The following ABCB1 variants were observed in gnomAD, a reference collection of about 807,000 sequenced individuals.
ABCB1 encodes ATP-dependent translocase ABCB1.
Under a neutral mutation model 142.0 loss-of-function variants are expected in ABCB1, and 69 were observed. That is an observed-to-expected ratio of 0.49 (90% CI 0.40 to 0.59). The LOEUF (loss-of-function observed/expected upper bound fraction) is 0.59. ABCB1 is among the 20% of genes least tolerant of loss of function. The pLI, the probability that ABCB1 is intolerant of heterozygous loss-of-function variation, is 0.00. For synonymous variants in ABCB1, 532 were observed against 539.2 expected, an observed-to-expected ratio of 0.99 and a Z score of 0.18; for missense variants, 1,326 against 1,554.7, an observed-to-expected ratio of 0.85 and a Z score of 2.47.
At chr7:87,644,178 A>C (rs992301559) in intron 1 of ABCB1, among the ~76,000 whole-genome samples, 13 of 152,230 alleles carry the variant, frequency 8.5e-5, no homozygotes, top group African/African-American at 3.1e-4. Context: ...GTTGATTCTG[A>C]AAAATTCTCT....
intron 7 of ABCB1, chr7:87,564,101 A>G (rs943430191): frequency 2.0e-5 from 9 of 448,746 alleles, no homozygotes; most frequent in African/African-American, 1.8e-4. Context: ...TAATCTGTAT[A>G]ACAAATGCCC....
At chr7:87,624,472 C>T (rs1366165048) in intron 1 of ABCB1, among the ~76,000 whole-genome samples, 1 of 152,058 alleles carries the variant, frequency 6.6e-6, no homozygotes, top group African/African-American at 2.4e-5. Context: ...GTAATTTTGT[C>T]TGTTTCGATG....
chr7:87,644,272 A>T (rs1425276643), intron 1 of ABCB1, among the ~76,000 whole-genome samples: 2 of 152,248 alleles, frequency 1.3e-5, no homozygotes, highest in Admixed American at 1.3e-4. Context: ...TATCACCTAT[A>T]GTCACTGCTT....
intron 1 of ABCB1, among the ~76,000 whole-genome samples, chr7:87,626,724 G>A (rs558016719): frequency 1.1e-4 from 7 of 64,364 alleles, no homozygotes; most frequent in African/African-American, 1.9e-4. Context: ...TCATATATAT[G>A]TGTCATATAT....
intron 1 of ABCB1, among the ~76,000 whole-genome samples, chr7:87,681,787 G>T (rs1480507178): frequency 6.6e-6 from 1 of 152,096 alleles, no homozygotes; most frequent in East Asian, 1.9e-4. Context: ...AAGGCAGGAG[G>T]ATCACTTGAG....
chr7:87,572,457 TATAGCTTCAGCCATCAAA>T (rs1485266821), intron 4 of ABCB1, among the ~76,000 whole-genome samples: 1 of 152,216 alleles, frequency 6.6e-6, no homozygotes. Flanking sequence ...ACACCATACC[TATAGCTTCAGCCATCAAA>T]ATACATAGAA....
intron 1 of ABCB1, among the ~76,000 whole-genome samples, chr7:87,640,395 G>T (rs1584973198): frequency 6.6e-6 from 1 of 151,984 alleles, no homozygotes; most frequent in African/African-American, 2.4e-5. Context: ...GTGTTGCCCA[G>T]GCTGGAGTGC....
chr7:87,641,217 A>C (rs980458891), intron 1 of ABCB1, among the ~76,000 whole-genome samples: 3 of 152,232 alleles, frequency 2.0e-5, no homozygotes, highest in South Asian at 2.1e-4. Flanking sequence ...CATAGTATAC[A>C]GTAGAAATAG....
In ABCB1 at chr7:87,580,571, C is replaced by T. The variant is rs1187302649; in HGVS notation, c.286+4941G>A. Among the ~76,000 whole-genome samples the T allele has an allele frequency of 2.0e-5, 3 of 152,108 alleles. No homozygotes were observed. The East Asian group carries it at 5.8e-4, about 29-fold the overall frequency. ...TATGCTTGGTGTCCCACAACATTCT[C>T]GTACTTGAATACTGATATCTTTCTT... On this transcript the variant is annotated intron_variant, in intron 4 of 27. Transcript: ENST00000622132.
chr7:87,537,318 C>T (rs1158011526), intron 19 of ABCB1, among the ~76,000 whole-genome samples: 1 of 152,144 alleles, frequency 6.6e-6, no homozygotes, highest in East Asian at 1.9e-4. Context: ...CAGACTTTAC[C>T]CTGTGAGCTA....
rs543317729 is a variant in ABCB1 at position 87,668,285 on chromosome 7, T to C, written c.-331+44876A>G. Among the ~76,000 whole-genome samples the C allele has an allele frequency of 3.9e-5, 6 of 152,242 alleles. No individual in the cohort carries two copies. The East Asian group carries it at 9.6e-4, about 24-fold the overall frequency. ...TAGTTTGTGTATGTAGAGGTGTTCA[T>C]AGTAGTTTCTCTTGGTTGTTTTTGT... On this transcript the variant is annotated intron_variant, in intron 1 of 28. Coordinates refer to the ABCB1 transcript ENST00000265724.
At position 87,594,494 on chromosome 7, in the gene ABCB1, C is replaced by T. The variant is rs549052886; in HGVS notation, c.117+1272G>A. On this transcript the variant is annotated intron_variant, in intron 3 of 27. Coordinates refer to ENST00000622132, the MANE Select transcript of ABCB1 (RefSeq NM_001348946.2). Reference sequence around the variant, plus strand: ...TTAAATTTTCTAAAATATAAGACTCCTAAGGTTTAAAAAAATTTAACTACA... The same window carrying T: ...TTAAATTTTCTAAAATATAAGACTCTTAAGGTTTAAAAAAATTTAACTACA... 1.2e-4 allele frequency among the ~76,000 whole-genome samples: 18 copies of T among 152,144 alleles called. No individual in the cohort carries two copies. The East Asian group carries it at 3.5e-3, about 29-fold the overall frequency.
At chr7:87,636,836 A>G (rs1821824363) in intron 1 of ABCB1, among the ~76,000 whole-genome samples, 1 of 152,178 alleles carries the variant, frequency 6.6e-6, no homozygotes, top group Non-Finnish European at 1.5e-5. Context: ...ATGAGGACAT[A>G]CCTGAGACTG....
At position 87,623,786 on chromosome 7, in the gene ABCB1, C is replaced by T. The variant is rs939780949; in HGVS notation, c.-330-22708G>A. Reference sequence around the variant, plus strand: ...CTCTTGCATTACTAACCTTTCCCTCCCAGTAGATTCATTGCATCAGCTTCA... The same window carrying T: ...CTCTTGCATTACTAACCTTTCCCTCTCAGTAGATTCATTGCATCAGCTTCA... On this transcript the variant is annotated intron_variant, in intron 1 of 28. Coordinates refer to the ABCB1 transcript ENST00000265724. Among the ~76,000 whole-genome samples the T allele has an allele frequency of 3.9e-5, 6 of 152,100 alleles. 1 individual carries two copies. Among genetic ancestry groups the T allele is most frequent in the South Asian group, 4.1e-4 (2 of 4,824 alleles).
chr7:87,705,319 G>A (rs550594986), intron 1 of ABCB1, among the ~76,000 whole-genome samples: 1 of 152,216 alleles, frequency 6.6e-6, no homozygotes, highest in African/African-American at 2.4e-5. Context: ...CCAGCTACTT[G>A]GGAGGCTGAG....
intron 1 of ABCB1, chr7:87,628,932 A>T: frequency 7.6e-7 from 1 of 1,310,206 alleles, no homozygotes; most frequent in African/African-American, 1.5e-5. Flanking sequence ...GAGGAACCTG[A>T]TCACCGTGTG....
chr7:87,551,799 G>C (rs1817084260), intron 9 of ABCB1, among the ~76,000 whole-genome samples: 1 of 152,052 alleles, frequency 6.6e-6, no homozygotes, highest in Non-Finnish European at 1.5e-5. Flanking sequence ...CACAGGGCTA[G>C]AATATTATAA....
intron 26 of ABCB1, among the ~76,000 whole-genome samples, chr7:87,506,364 G>A (rs1426573568): frequency 6.6e-6 from 1 of 152,122 alleles, no homozygotes; most frequent in Non-Finnish European, 1.5e-5. Flanking sequence ...AGATTGGCAG[G>A]AGAAAGGAAA....
intron 21 of ABCB1, among the ~76,000 whole-genome samples, chr7:87,525,518 A>G (rs1815743944): frequency 6.6e-6 from 1 of 152,178 alleles, no homozygotes; most frequent in Non-Finnish European, 1.5e-5. Context: ...ATAAACAGTC[A>G]ATTAACATGT....
Sources: gnomAD v4.1 joint callset for allele counts (sites outside exome capture counted in the v4.1 genomes callset) on GRCh38, gnomAD v4.1.1 for gene constraint, MANE v1.5 for transcripts, NCBI Gene and HGNC (gene_info 2026-07-23, HGNC 2026-07-21) for gene names.